The following FAM171A2 variants were observed in gnomAD, a reference collection of about 807,000 sequenced individuals.
FAM171A2 encodes the protein protein FAM171A2.
Under a neutral mutation model 34.2 loss-of-function variants are expected in FAM171A2, and 13 were observed. The observed-to-expected ratio is 0.38, with a 90% CI of 0.25 to 0.60. The LOEUF (loss-of-function observed/expected upper bound fraction) is 0.60. Among genes scored for constraint, FAM171A2 ranks in the 20% least tolerant of loss-of-function variants. The pLI, the probability that FAM171A2 is intolerant of heterozygous loss-of-function variation, is 0.62. For synonymous variants in FAM171A2, 475 were observed against 561.2 expected, an observed-to-expected ratio of 0.85 and a Z score of 2.17; for missense variants, 950 against 1,180.7, an observed-to-expected ratio of 0.80 and a Z score of 2.86.
At chr17:44,360,690 G>A (rs1049066279) in intron 1 of FAM171A2, among the ~76,000 whole-genome samples, 3 of 152,148 alleles carry the variant, frequency 2.0e-5, no homozygotes, top group East Asian at 3.8e-4. Context: ...AGCTGGGTCC[G>A]CAGGCGGAGA....
chr17:44,356,534 A>G lies in FAM171A2; in HGVS notation c.494T>C (p.Val165Ala). Residue 165 changes from valine (V) to alanine (A), a missense_variant, in exon 4 of 8, where the codon GTC (valine) becomes GCC (alanine). Coordinates refer to ENST00000293443, the MANE Select transcript of FAM171A2 (RefSeq NM_198475.3). ...QFQRRAARLP[V>A]SSTYSQLWAS... is the part of the protein sequence containing the mutation. ...CCAGAGCTGGCTGTAGGTGGAGCTG[A>G]CAGGCAGGCGGGCAGCCCGGCGCTG... 6.5e-7 allele frequency: 1 copy of G among 1,549,890 alleles called. No individual in the cohort carries two copies. Among genetic ancestry groups the G allele is most frequent in the Non-Finnish European group, 8.7e-7 (1 of 1,146,784 alleles).
chr17:44,359,876 C>A (rs905543491), intron 2 of FAM171A2, 29 bp downstream of exon 2: 12 of 1,484,998 alleles, frequency 8.1e-6, no homozygotes, highest in South Asian at 2.6e-5. Flanking sequence ...CAGCTGCTGT[C>A]CCCCCCCTCC....
rs767936432 is a variant in FAM171A2 at position 44,355,706 on chromosome 17, C to T, written c.1022+9G>A. 1.2e-4 allele frequency: 183 copies of T among 1,551,356 alleles called. No individual in the cohort carries two copies. The highest frequency in any genetic ancestry group is 1.7e-4 in the South Asian group (14 of 84,066). ...GTGCAGGGGAGGGTGAGGGAAGCCC[C>T]GTGCTCACCGGCAGTAGTAGATGAG... On this transcript the variant is annotated intron_variant, in intron 7 of 7. Transcript: ENST00000293443. The surrounding 1 kb of genome is among the most constrained non-coding windows in gnomAD (Gnocchi z 4.1).
intron 1 of FAM171A2, among the ~76,000 whole-genome samples, chr17:44,362,537 G>A (rs2048452090): frequency 6.6e-6 from 1 of 152,228 alleles, no homozygotes; most frequent in Non-Finnish European, 1.5e-5. Context: ...GCTTCAGGCA[G>A]GGATGGGGCC....
intron 1 of FAM171A2, among the ~76,000 whole-genome samples, chr17:44,362,766 A>T (rs1259608611): frequency 6.6e-6 from 1 of 151,736 alleles, no homozygotes; most frequent in Admixed American, 6.6e-5. Flanking sequence ...ATGTGAGATG[A>T]GGAGGGGGTG....
chr17:44,353,865 G>C lies in FAM171A2; in HGVS notation c.2349C>G (p.Ser783Arg). The change falls in exon 8 of 8, where the codon AGC becomes AGG. Residue 783 changes from serine to arginine, a missense_variant. By Grantham distance (110) the Ser-to-Arg change is moderately radical. Coordinates refer to ENST00000293443, the MANE Select transcript of FAM171A2 (RefSeq NM_198475.3). Reference sequence around the variant, plus strand: ...TGGTGAGCGAGTCGCGCCGCAGCTCGCTGGCGCTGCTGCGGGAGCTGTCCC... The same window carrying C: ...TGGTGAGCGAGTCGCGCCGCAGCTCCCTGGCGCTGCTGCGGGAGCTGTCCC... ...SRGDSSRSSA[S>R]ELRRDSLTSP... 1 of 1,368,352 alleles carries C rather than the reference G, an allele frequency of 7.3e-7. No individual in the cohort carries two copies. The highest frequency in any genetic ancestry group is 3.3e-5 in the East Asian group (1 of 30,742). The allele number at this position is 1,368,352 out of a possible 1,614,324, so 84.8% of individuals were successfully genotyped here. A position where few individuals can be genotyped will look rare whatever the true frequency, so the allele number is the denominator to read the frequency against.
At position 44,359,635 on chromosome 17, in the gene FAM171A2, C is replaced by G; in HGVS notation, c.383G>C (p.Arg128Pro). 6.4e-7 allele frequency: 1 copy of G among 1,550,946 alleles called. No homozygotes were observed. The highest frequency in any genetic ancestry group is 8.7e-7 in the Non-Finnish European group (1 of 1,146,928). Residue 128 changes from arginine to proline, a missense_variant, in exon 3 of 8, where the codon CGG becomes CCG. Transcript: ENST00000293443. ...ASVSLYLLPE[R>P]PATLILYEDL... Reference sequence around the variant, plus strand: ...CTCATAGAGGATGAGCGTGGCCGGCCGCTCAGGGAGCAGGTAGAGGCTGAC... The same window carrying G: ...CTCATAGAGGATGAGCGTGGCCGGCGGCTCAGGGAGCAGGTAGAGGCTGAC...
chr17:44,362,740 C>A (rs1318232699), intron 1 of FAM171A2, among the ~76,000 whole-genome samples: 1 of 152,036 alleles, frequency 6.6e-6, no homozygotes, highest in Non-Finnish European at 1.5e-5. Context: ...TGGGAAGGGT[C>A]TCCTCCACTG....
In FAM171A2 at chr17:44,354,780, C is replaced by CGGCGGCGAG. The variant is rs914914328; in HGVS notation, c.1425_1433dup (p.Ser476_Pro478dup). 3.7e-5 allele frequency: 48 copies of CGGCGGCGAG among 1,298,328 alleles called. No individual in the cohort carries two copies. The highest frequency in any genetic ancestry group is 4.0e-5 in the Admixed American group (1 of 24,874). 80.4% of individuals were successfully genotyped at this position (1,298,328 alleles called of 1,614,324 possible). ...GGCCCAGGTAGTGGTCGAAGGGCGG[C>CGGCGGCGAG]GGCGGCGAGGGCGGCTCGTGCAGGA... On this transcript the variant is annotated inframe_insertion, in exon 8 of 8. Transcript: ENST00000293443. This position sits in a 1 kb window ranked among gnomAD's most constrained non-coding sequence, Gnocchi z 5.8.
In FAM171A2 at chr17:44,355,923, C is replaced by G. The variant is rs1177054810; in HGVS notation, c.895+35G>C. ...GTCTGCTCTCCCAGCTCCCCTCCTC[C>G]GCGGCCTCTACGCCCACTGCCCCAC... On this transcript the variant is annotated intron_variant, in intron 6 of 7. Transcript: ENST00000293443. The surrounding 1 kb of genome is among the most constrained non-coding windows in gnomAD (Gnocchi z 4.1). The G allele has an allele frequency of 6.5e-7, 1 of 1,543,788 alleles. No individual in the cohort carries two copies. Among genetic ancestry groups the G allele is most frequent in the Non-Finnish European group, 8.8e-7 (1 of 1,142,306 alleles).
At position 44,360,617 on chromosome 17, in the gene FAM171A2, G is replaced by A. The variant is rs889653804; in HGVS notation, c.119-485C>T. The stretch of plus-strand genomic sequence containing the variant: ...GACCTGGCAGTCTGCCTCTAGAAGC[G>A]ACATTCTTAACCCCGGGCCTGGGGA... On this transcript the variant is annotated intron_variant, in intron 1 of 7. Transcript: ENST00000293443. Among the ~76,000 whole-genome samples the A allele has an allele frequency of 3.9e-5, 6 of 152,118 alleles. No homozygotes were observed. The South Asian group carries it at 6.2e-4, about 16-fold the overall frequency.
chr17:44,363,475 A>C (rs1598371342), intron 1 of FAM171A2, 122 bp downstream of exon 1: 8 of 390,322 alleles, frequency 2.0e-5, no homozygotes, highest in South Asian at 1.3e-4. Flanking sequence ...AGCTCCCCCC[A>C]CCCGAATCCA....
intron 3 of FAM171A2, 55 bp downstream of exon 3, chr17:44,359,524 T>C (rs2048439045): frequency 2.1e-6 from 3 of 1,455,356 alleles, no homozygotes; most frequent in Admixed American, 2.0e-5. Context: ...TGGAGGTCTC[T>C]ACACCTAGGT....
chr17:44,358,584 A>T (rs559705571), intron 3 of FAM171A2, among the ~76,000 whole-genome samples: 20 of 152,064 alleles, frequency 1.3e-4, no homozygotes, highest in Non-Finnish European at 2.9e-4. Flanking sequence ...CCAGCTACTC[A>T]GGAGACTAAG....
In FAM171A2 at chr17:44,353,546, T is replaced by G; in HGVS notation, c.*187A>C. 10 of 309,288 alleles carry G rather than the reference T, an allele frequency of 3.2e-5. No homozygotes were observed. Among genetic ancestry groups the G allele is most frequent in the East Asian group, 1.4e-4 (2 of 14,068 alleles). The allele number at this position is 309,288 out of a possible 1,614,324, so 19.2% of individuals were successfully genotyped here. A position where few individuals can be genotyped will look rare whatever the true frequency, so the allele number is the denominator to read the frequency against. On this transcript the variant is annotated 3_prime_UTR_variant, in exon 8 of 8. Transcript: ENST00000293443. ...GTCTGGACCCCCCCTCCTCCCCGGC[T>G]TGGAGGCAGACACAGGGTCCCTTGC... is the stretch of plus-strand genomic sequence containing the variant.
Position 44,354,063 on chromosome 17 carries a change from C to T in FAM171A2, c.2151G>A (p.Pro717=), listed in dbSNP as rs2048406346. Residue 717 remains proline, a synonymous_variant, in exon 8 of 8, where the codon CCG becomes CCA. Coordinates refer to ENST00000293443, the MANE Select transcript of FAM171A2 (RefSeq NM_198475.3). The surrounding 1 kb of genome is among the most constrained non-coding windows in gnomAD (Gnocchi z 5.8). ...GCGCCAGGCGCGGGGGCGCGGGCGG[C>T]GGCGGCGGCGCGGCAGGCGGGGCGC... ...RERAPPAAPP[P]PPAPPRLALS... 7 of 1,111,042 alleles carry T rather than the reference C, an allele frequency of 6.3e-6. No individual in the cohort carries two copies. The highest frequency in any genetic ancestry group is 7.7e-6 in the Non-Finnish European group (7 of 911,840). The allele number at this position is 1,111,042 out of a possible 1,614,324, so 68.8% of individuals were successfully genotyped here. A position where few individuals can be genotyped will look rare whatever the true frequency, so the allele number is the denominator to read the frequency against.
Position 44,363,773 on chromosome 17 carries a change from C to G in FAM171A2, c.-59G>C. 1.3e-6 allele frequency: 1 copy of G among 770,722 alleles called. No individual in the cohort carries two copies. The highest frequency in any genetic ancestry group is 1.7e-6 in the Non-Finnish European group (1 of 582,406). The allele number at this position is 770,722 out of a possible 1,614,324, so 47.7% of individuals were successfully genotyped here. On this transcript the variant is annotated 5_prime_UTR_variant, in exon 1 of 8. Coordinates refer to ENST00000293443, the MANE Select transcript of FAM171A2 (RefSeq NM_198475.3). ...CTCCCGCCTGGTCCCGCTCGCCCGG[C>G]CCCGCGCAGCCCCAGCTCTGCGCCG...
Position 44,353,930 on chromosome 17 carries a change from G to C in FAM171A2, c.2284C>G (p.Arg762Gly). The change falls in exon 8 of 8, where the codon CGG (arginine) becomes GGG (glycine). Residue 762 changes from arginine (R) to glycine (G), a missense_variant. Arg to Gly is a moderately radical substitution (Grantham distance 125). Coordinates refer to ENST00000293443, the MANE Select transcript of FAM171A2 (RefSeq NM_198475.3). ...CGCCCCCGGGGTACCGTGGCCGCCC[G>C]GCCCTCGGGCGCCGCCACCTCGTCC... ...LLDEVAAPEG[R>G]AATVPRGRGR... The C allele has an allele frequency of 7.7e-7, 1 of 1,293,764 alleles. No individual in the cohort carries two copies. The highest frequency in any genetic ancestry group is 9.7e-7 in the Non-Finnish European group (1 of 1,026,476). 80.1% of individuals were successfully genotyped at this position (1,293,764 alleles called of 1,614,324 possible). A position where few individuals can be genotyped will look rare whatever the true frequency, so the allele number is the denominator to read the frequency against.
chr17:44,356,495 G>A lies in FAM171A2; in HGVS notation c.533C>T (p.Pro178Leu). The A allele has an allele frequency of 1.2e-5, 18 of 1,550,796 alleles. No individual in the cohort carries two copies. The highest frequency in any genetic ancestry group is 1.6e-5 in the Non-Finnish European group (18 of 1,146,958). The change falls in exon 4 of 8, where the codon CCT (proline) becomes CTT (leucine). Residue 178 changes from proline (P) to leucine (L), a missense_variant. Transcript: ENST00000293443. ...TYSQLWASLT[P>L]ASTQQEMRAF... ...CCGCATTTCCTGCTGGGTGCTGGCA[G>A]GCGTAAGTGACGCCCAGAGCTGGCT...
Sources: allele counts gnomAD v4.1 joint callset (sites outside exome capture counted in the v4.1 genomes callset), GRCh38; gene constraint gnomAD v4.1.1; non-coding constraint Gnocchi (gnomAD v3.1); transcripts MANE v1.5; gene names NCBI Gene and HGNC (gene_info 2026-07-23, HGNC 2026-07-21).